Variants in CDKAL1 observed in about 807,000 individuals in gnomAD.
CDKAL1 encodes the protein CDKAL1 threonylcarbamoyladenosine tRNA methylthiotransferase.
Under a neutral mutation model 68.2 loss-of-function variants are expected in CDKAL1, and 32 were observed. The observed-to-expected ratio is 0.47, with a 90% CI of 0.35 to 0.63. The LOEUF is 0.63. Among genes scored for constraint, CDKAL1 ranks in the 30% least tolerant of loss-of-function variants. CDKAL1 has a pLI of 0.00. For missense variants in CDKAL1, 606 were observed against 696.7 expected (o/e 0.87, Z 1.47); for synonymous variants, 234 against 244.3 (o/e 0.96, Z 0.39).
intron 5 of CDKAL1, among the ~76,000 whole-genome samples, chr6:20,656,284 G>A (rs902975513): frequency 6.6e-6 from 1 of 152,200 alleles, no homozygotes; most frequent in African/African-American, 2.4e-5. Context: ...TTTGCATAGA[G>A]TTGATAGTTG....
At chr6:20,907,164 G>A (rs1762264615) in intron 9 of CDKAL1, among the ~76,000 whole-genome samples, 1 of 152,150 alleles carries the variant, frequency 6.6e-6, no homozygotes, top group Non-Finnish European at 1.5e-5. Flanking sequence ...GGTGATGGTT[G>A]CACAACAATA....
chr6:20,779,314 T>A (rs1273776090), intron 7 of CDKAL1, among the ~76,000 whole-genome samples: 1 of 152,206 alleles, frequency 6.6e-6, no homozygotes, highest in Non-Finnish European at 1.5e-5. Context: ...AAAACATATG[T>A]CCATACAAAA....
chr6:20,712,522 G>A (rs1483312992), intron 5 of CDKAL1, among the ~76,000 whole-genome samples: 1 of 148,990 alleles, frequency 6.7e-6, no homozygotes, highest in Non-Finnish European at 1.5e-5. Flanking sequence ...AAAAAGAAGT[G>A]AAATGAAAAG....
At chr6:20,544,416 T>C (rs908810492) in intron 2 of CDKAL1, among the ~76,000 whole-genome samples, 8 of 151,250 alleles carry the variant, frequency 5.3e-5, no homozygotes, top group Non-Finnish European at 8.8e-5. Flanking sequence ...GCTAACACGG[T>C]GAAACCCCGT....
At chr6:20,674,111 A>G (rs752910283) in intron 5 of CDKAL1, among the ~76,000 whole-genome samples, 3 of 151,916 alleles carry the variant, frequency 2.0e-5, no homozygotes, top group Non-Finnish European at 4.4e-5. Flanking sequence ...GAACTTTTTT[A>G]TAGTTTGAGT....
intron 9 of CDKAL1, among the ~76,000 whole-genome samples, chr6:20,874,772 G>T (rs1760412672): frequency 6.6e-6 from 1 of 151,802 alleles, no homozygotes; most frequent in African/African-American, 2.4e-5. Context: ...CAAAGTGCTG[G>T]GATTACAGAC....
At chr6:20,975,042 CAAGAA>C (rs60586161) in intron 10 of CDKAL1, among the ~76,000 whole-genome samples, 2,947 of 133,876 alleles carry the variant, frequency 0.022, 110 homozygotes, top group African/African-American at 0.077. Flanking sequence ...GACTCCAAAA[CAAGAA>C]GACTGTTTTT....
intron 8 of CDKAL1, among the ~76,000 whole-genome samples, chr6:20,820,893 A>T (rs1777249591): frequency 2.0e-5 from 3 of 152,072 alleles, no homozygotes; most frequent in African/African-American, 4.8e-5. Flanking sequence ...TTAAAATGTC[A>T]GATAGTGAAC....
chr6:20,862,588 C>G (rs551966857), intron 9 of CDKAL1, among the ~76,000 whole-genome samples: 1 of 152,234 alleles, frequency 6.6e-6, no homozygotes, highest in Admixed American at 6.5e-5. Flanking sequence ...AAGTCACCAC[C>G]TAAGAAATGA....
At chr6:20,584,657 T>C (rs565558442) in intron 4 of CDKAL1, among the ~76,000 whole-genome samples, 2 of 152,310 alleles carry the variant, frequency 1.3e-5, no homozygotes, top group South Asian at 2.1e-4. Context: ...GTTCTAAGAA[T>C]GTATTTGTTC....
At chr6:21,225,651 C>T (rs981326183) in intron 15 of CDKAL1, among the ~76,000 whole-genome samples, 1 of 152,162 alleles carries the variant, frequency 6.6e-6, no homozygotes, top group Non-Finnish European at 1.5e-5. Context: ...AGAGTTTAAA[C>T]TACCTGCCTA....
intron 7 of CDKAL1, among the ~76,000 whole-genome samples, chr6:20,766,534 G>A (rs1189690188): frequency 1.3e-5 from 2 of 152,090 alleles, no homozygotes; most frequent in Admixed American, 6.5e-5. Flanking sequence ...AACTATTAAC[G>A]AGGACTTGCC....
chr6:20,642,491 A>AC (rs1340421399), intron 4 of CDKAL1, among the ~76,000 whole-genome samples: 75 of 151,212 alleles, frequency 5.0e-4, no homozygotes, highest in Non-Finnish European at 9.1e-4. Context: ...AAAAAAAAAA[A>AC]AACACTGCGA....
At chr6:20,819,363 T>G (rs1050707327) in intron 8 of CDKAL1, among the ~76,000 whole-genome samples, 2 of 152,168 alleles carry the variant, frequency 1.3e-5, no homozygotes, top group Non-Finnish European at 2.9e-5. Context: ...TTTTTGAGAA[T>G]CTCTGCTAAG....
At chr6:20,827,581 G>T (rs1166398053) in intron 8 of CDKAL1, among the ~76,000 whole-genome samples, 1 of 152,002 alleles carries the variant, frequency 6.6e-6, no homozygotes. Flanking sequence ...ATTATCAAGG[G>T]CTATTACAAA....
intron 9 of CDKAL1, among the ~76,000 whole-genome samples, chr6:20,937,699 T>C (rs1763787367): frequency 6.6e-6 from 1 of 152,236 alleles, no homozygotes; most frequent in Non-Finnish European, 1.5e-5. Context: ...TATTTCCATG[T>C]GATTAAATTC....
chr6:21,058,679 C>G (rs2150923028), intron 11 of CDKAL1, among the ~76,000 whole-genome samples: 1 of 152,342 alleles, frequency 6.6e-6, no homozygotes, highest in Non-Finnish European at 1.5e-5. Flanking sequence ...TTTAGTGCTT[C>G]CTTCAGGAGC....
rs987888381 is a variant in CDKAL1 at position 20,974,875 on chromosome 6, A to G, written c.909+19290A>G. Among the ~76,000 whole-genome samples the G allele has an allele frequency of 2.1e-5, 3 of 146,180 alleles. No individual in the cohort carries two copies. The South Asian group carries it at 7.0e-4, about 34-fold the overall frequency. On this transcript the variant is annotated intron_variant, in intron 10 of 15. Transcript: ENST00000274695. ...GCTCCTGTAGTACCCCCTACTCAGG[A>G]GGCTGAGGTGAAAGAATCACTTGAG... is the stretch of plus-strand genomic sequence containing the variant.
intron 4 of CDKAL1, among the ~76,000 whole-genome samples, chr6:20,636,852 CA>C (rs753311299): frequency 1.3e-5 from 2 of 151,050 alleles, no homozygotes; most frequent in Admixed American, 1.3e-4. Context: ...GCCTGGCCAA[CA>C]TGGTGAAACC....
Sources: allele counts gnomAD v4.1 joint callset (sites outside exome capture counted in the v4.1 genomes callset), GRCh38; gene constraint gnomAD v4.1.1; transcripts MANE v1.5; gene names NCBI Gene and HGNC (gene_info 2026-07-23, HGNC 2026-07-21).